NDRG1: variants seen among roughly 807,000 people sequenced by gnomAD.
The protein encoded by NDRG1 is protein NDRG1.
Under a neutral mutation model 56.9 loss-of-function variants are expected in NDRG1, and 32 were observed. That is an observed-to-expected ratio of 0.56 (90% confidence interval 0.42 to 0.76). NDRG1 has a LOEUF of 0.76. Among genes scored for constraint, NDRG1 ranks in the 30% least tolerant of loss-of-function variants. NDRG1 has a pLI of 0.00. For synonymous variants in NDRG1, 211 were observed against 204.1 expected (o/e 1.03, Z -0.29); for missense variants, 507 against 545.7 (o/e 0.93, Z 0.71).
intron 3 of NDRG1, 36 bp downstream of exon 3, chr8:133,280,196 T>G (rs1423296226): frequency 1.2e-6 from 2 of 1,610,822 alleles, no homozygotes; most frequent in Non-Finnish European, 1.7e-6. Flanking sequence ...GAAGACGGGA[T>G]GAGGAAGGGG....
intron 3 of NDRG1, among the ~76,000 whole-genome samples, chr8:133,271,267 G>C (rs959687296): frequency 5.9e-5 from 9 of 152,186 alleles, no homozygotes; most frequent in African/African-American, 2.2e-4. Flanking sequence ...AGCATGGCCA[G>C]AGCAGTTACG....
At chr8:133,262,307 G>A (rs1182160805) in intron 4 of NDRG1, 140 bp from the exon 5 acceptor site, 15 of 1,116,522 alleles carry the variant, frequency 1.3e-5, no homozygotes, top group South Asian at 2.9e-5. Flanking sequence ...AGATGTTGGC[G>A]TTTTTTGTTT....
intron 13 of NDRG1, among the ~76,000 whole-genome samples, chr8:133,245,368 A>G (rs1470334894): frequency 3.3e-5 from 5 of 152,180 alleles, no homozygotes; most frequent in African/African-American, 9.7e-5. Context: ...CCCAGTACCT[A>G]TCACTGTGGC....
chr8:133,284,232 G>A lies in NDRG1; in HGVS notation c.63+17C>T. On this transcript the variant is annotated intron_variant, in intron 2 of 15. Transcript: ENST00000323851. ...ACATGTGCCTGTGATGGGGTAGCCAGGAAGATCTCCACTCACCTCCCCTTT... is the reference window on the plus strand; with the variant it reads ...ACATGTGCCTGTGATGGGGTAGCCAAGAAGATCTCCACTCACCTCCCCTTT... The A allele has an allele frequency of 6.2e-7, 1 of 1,613,438 alleles. No homozygotes were observed. Among genetic ancestry groups the A allele is most frequent in the Non-Finnish European group, 8.5e-7 (1 of 1,179,438 alleles).
At chr8:133,274,969 T>C (rs200225807) in intron 3 of NDRG1, among the ~76,000 whole-genome samples, 3 of 152,208 alleles carry the variant, frequency 2.0e-5, no homozygotes, top group East Asian at 3.8e-4. Flanking sequence ...CTGAAGTGCA[T>C]GGCAGACAGG....
At chr8:133,262,813 C>G (rs77256406) in intron 4 of NDRG1, among the ~76,000 whole-genome samples, 1 of 152,194 alleles carries the variant, frequency 6.6e-6, no homozygotes, top group African/African-American at 2.4e-5. Flanking sequence ...ACCATACCTG[C>G]CACCCAGATT....
At chr8:133,272,573 C>T (rs572978691) in intron 3 of NDRG1, among the ~76,000 whole-genome samples, 1 of 152,348 alleles carries the variant, frequency 6.6e-6, no homozygotes, top group African/African-American at 2.4e-5. Context: ...GTCAGCCTGG[C>T]AGAGCCTGGC....
chr8:133,264,557 G>A lies in NDRG1; in HGVS notation c.195C>T (p.Ile65=), dbSNP rs747826464. The change falls in exon 4 of 16, where the codon ATC becomes ATT. Residue 65 remains isoleucine, a synonymous_variant. Transcript: ENST00000323851. ...NRPVILTYHD[I]GMNHKTCYNP... ...CTCCTCAGAACTTACGGTTCATGCC[G>A]ATGTCATGGTAGGTGAGGATGACAG... The A allele has an allele frequency of 3.7e-6, 6 of 1,613,972 alleles. No individual in the cohort carries two copies. In the South Asian group the frequency reaches 4.4e-5, roughly 12 times the overall value.
chr8:133,250,606 C>G, intron 9 of NDRG1, 63 bp from the exon 10 acceptor site: 1 of 1,286,900 alleles, frequency 7.8e-7, no homozygotes, highest in Non-Finnish European at 1.1e-6. Context: ...GGTCACTACT[C>G]TCTCCATTCT....
Position 133,280,446 on chromosome 8 carries a change from C to T in NDRG1, c.64-179G>A, listed in dbSNP as rs1226312760. Among the ~76,000 whole-genome samples, 8 of 141,258 alleles carry T rather than the reference C, an allele frequency of 5.7e-5. 1 individual carries two copies. Among genetic ancestry groups the T allele is most frequent in the African/African-American group, 1.6e-4 (6 of 37,658 alleles). 92.7% of individuals were successfully genotyped at this position (141,258 alleles called of 152,430 possible). ...TTCTCTTTTTTTTTTTTTTTTGAGA[C>T]GGAGTCTTGCTCTGTCGCCCAGGTT... is the stretch of plus-strand genomic sequence containing the variant. On this transcript the variant is annotated intron_variant, in intron 2 of 15. Transcript: ENST00000323851.
intron 3 of NDRG1, among the ~76,000 whole-genome samples, chr8:133,271,586 CA>C (rs762870843): frequency 4.0e-5 from 6 of 151,786 alleles, no homozygotes; most frequent in Non-Finnish European, 7.4e-5. Flanking sequence ...AGTTTGAGAC[CA>C]GCATCTGCAA....
intron 5 of NDRG1, among the ~76,000 whole-genome samples, chr8:133,260,048 A>C (rs992668046): frequency 6.6e-6 from 1 of 152,208 alleles, no homozygotes; most frequent in African/African-American, 2.4e-5. Context: ...CGCAGGGCAG[A>C]AGTGCGGCAA....
intron 3 of NDRG1, 83 bp downstream of exon 3, chr8:133,280,149 G>A: frequency 1.3e-6 from 2 of 1,528,954 alleles, no homozygotes; most frequent in South Asian, 2.3e-5. Flanking sequence ...TTTGCACAAT[G>A]ATCTACTTAA....
Position 133,239,013 on chromosome 8 carries a change from G to A in NDRG1, c.1050C>T (p.Thr350=). 1.3e-6 allele frequency: 2 copies of A among 1,598,860 alleles called. No homozygotes were observed. Among genetic ancestry groups the A allele is most frequent in the Non-Finnish European group, 8.5e-7 (1 of 1,174,268 alleles). ...CCTCGCTGGTGTGGGAGCGGCTTCGGGTGCCCTCGCTGGTGTGGGAGCGGC... is the reference window on the plus strand; with the variant it reads ...CCTCGCTGGTGTGGGAGCGGCTTCGAGTGCCCTCGCTGGTGTGGGAGCGGC... ...TRSRSHTSEG[T]RSRSHTSEGT... is the part of the protein sequence containing the mutation. Residue 350 remains threonine, a synonymous_variant, in exon 16 of 16, where the codon ACC becomes ACT. Coordinates refer to ENST00000323851, the MANE Select transcript of NDRG1 (RefSeq NM_006096.4).
At chr8:133,265,318 G>GTTGT (rs1856861319) in intron 3 of NDRG1, among the ~76,000 whole-genome samples, 1 of 152,218 alleles carries the variant, frequency 6.6e-6, no homozygotes, top group Admixed American at 6.5e-5. Flanking sequence ...ATGGAGCAAG[G>GTTGT]TTGGGAGGGC....
intron 2 of NDRG1, among the ~76,000 whole-genome samples, chr8:133,281,929 C>T (rs1203832331): frequency 6.6e-6 from 1 of 152,136 alleles, no homozygotes; most frequent in Non-Finnish European, 1.5e-5. Flanking sequence ...ACCTTCAAAA[C>T]GTCATCAGAG....
chr8:133,255,160 G>C (rs1203249788), intron 8 of NDRG1: 2 of 387,894 alleles, frequency 5.2e-6, no homozygotes, highest in Non-Finnish European at 1.0e-5. Context: ...AATGTGTGCT[G>C]ACCTAAGCAT....
intron 2 of NDRG1, among the ~76,000 whole-genome samples, chr8:133,282,964 T>C (rs796876059): frequency 1.3e-4 from 20 of 152,344 alleles, no homozygotes; most frequent in African/African-American, 4.8e-4. Context: ...TTTTTATTTT[T>C]AAATCTGCAA....
chr8:133,239,428 T>C (rs1194867441), intron 15 of NDRG1: 3 of 552,402 alleles, frequency 5.4e-6, no homozygotes, highest in African/African-American at 1.9e-5. Context: ...TGAGCCTCCC[T>C]GTTCCCATCT....
Sources: allele counts gnomAD v4.1 joint callset (sites outside exome capture counted in the v4.1 genomes callset), GRCh38; gene constraint gnomAD v4.1.1; transcripts MANE v1.5; gene names NCBI Gene and HGNC (gene_info 2026-07-23, HGNC 2026-07-21).